The following IQGAP2 variants were observed in gnomAD, a reference collection of about 807,000 sequenced individuals.
IQGAP2 encodes the protein ras GTPase-activating-like protein IQGAP2.
Under a neutral mutation model 201.3 loss-of-function variants are expected in IQGAP2, and 173 were observed. That is an observed-to-expected ratio of 0.86 (90% confidence interval 0.76 to 0.98). IQGAP2 has a LOEUF of 0.98. IQGAP2 is among the 50% of genes least tolerant of loss of function. The pLI is 0.00. For missense variants in IQGAP2, 1,687 were observed against 1,864.8 expected (o/e 0.90, Z 1.76); for synonymous variants, 675 against 673.9 (o/e 1.00, Z -0.03).
intron 2 of IQGAP2, among the ~76,000 whole-genome samples, chr5:76,531,914 T>G (rs1159049219): frequency 6.6e-6 from 1 of 152,182 alleles, no homozygotes; most frequent in African/African-American, 2.4e-5. Context: ...ATTGGTAGAT[T>G]CGGTATCTGG....
Position 76,403,674 on chromosome 5 carries a change from C to T in IQGAP2, c.46+83C>T. On this transcript the variant is annotated intron_variant, in intron 1 of 35. Coordinates refer to ENST00000274364, the MANE Select transcript of IQGAP2 (RefSeq NM_006633.5). This position sits in a 1 kb window ranked among gnomAD's most constrained non-coding sequence, Gnocchi z 4.8. ...ACGGCGTTGGAGAAGCCGAGGGAGC[C>T]GGTTGCGCGGCGCAGAGGAAATTGG... is the stretch of plus-strand genomic sequence containing the variant. The T allele has an allele frequency of 1.6e-6, 2 of 1,216,108 alleles. No homozygotes were observed. Among genetic ancestry groups the T allele is most frequent in the East Asian group, 3.1e-5 (1 of 32,562 alleles). 75.3% of individuals were successfully genotyped at this position (1,216,108 alleles called of 1,614,324 possible).
chr5:76,669,427 C>T (rs1441773581), intron 23 of IQGAP2, among the ~76,000 whole-genome samples: 1 of 151,978 alleles, frequency 6.6e-6, no homozygotes, highest in African/African-American at 2.4e-5. Context: ...TGTAAGCCCA[C>T]GAGACATGTG....
chr5:76,619,031 T>A (rs2069680), intron 13 of IQGAP2, among the ~76,000 whole-genome samples: 59,212 of 152,090 alleles, frequency 0.39, 12,986 homozygotes, highest in Non-Finnish European at 0.51. Context: ...CTAGCAAGGT[T>A]CCTAAAAAGA....
chr5:76,608,050 T>C (rs1214300480), intron 12 of IQGAP2: 1 of 152,262 alleles, frequency 6.6e-6, no homozygotes, highest in Non-Finnish European at 1.5e-5. Flanking sequence ...GTTTTGTTCT[T>C]GGCTATCAAG....
intron 1 of IQGAP2, among the ~76,000 whole-genome samples, chr5:76,460,245 TGATGTGAA>T (rs1353776701): frequency 3.3e-5 from 5 of 152,086 alleles, no homozygotes; most frequent in African/African-American, 1.2e-4. Context: ...TTGCCTGAGA[TGATGTGAA>T]AGGCACCACC....
intron 13 of IQGAP2, chr5:76,618,783 AC>A: frequency 1.3e-6 from 1 of 745,940 alleles, no homozygotes. Context: ...TAGGCAGTCA[AC>A]AAGCATATAT....
chr5:76,435,828 T>A (rs969839670), intron 1 of IQGAP2, among the ~76,000 whole-genome samples: 1 of 152,344 alleles, frequency 6.6e-6, no homozygotes, highest in South Asian at 2.1e-4. Context: ...ACAGGATATG[T>A]TTACGTTTGC....
intron 12 of IQGAP2, chr5:76,607,112 C>G (rs1404221925): frequency 6.6e-6 from 1 of 152,132 alleles, no homozygotes. Flanking sequence ...GCTCCAAGCT[C>G]GCGGATAGAG....
chr5:76,532,532 G>GT (rs1333631372), intron 2 of IQGAP2, among the ~76,000 whole-genome samples: 1 of 152,158 alleles, frequency 6.6e-6, no homozygotes, highest in Non-Finnish European at 1.5e-5. Context: ...TGATATGGTG[G>GT]TAAGACAGCC....
Position 76,589,721 on chromosome 5 carries a change from A to T in IQGAP2, c.633A>T (p.Glu211Asp). The T allele has an allele frequency of 6.3e-7, 1 of 1,586,274 alleles. No homozygotes were observed. Among genetic ancestry groups the T allele is most frequent in the South Asian group, 1.2e-5 (1 of 86,454 alleles). ...TGGCCAATGAACTGTCCGTGGATGA[A>T]GCTGCATGTAAGTCCATTCAAAATC... ...GILANELSVD[E>D]AALHAAVIAI... is the part of the protein sequence containing the mutation. Residue 211 changes from glutamate (E) to aspartate (D), a missense_variant, in exon 7 of 36, where the codon GAA becomes GAT. Glu to Asp is a conservative substitution (Grantham distance 45). Transcript: ENST00000274364.
chr5:76,565,942 A>G (rs961969864), intron 3 of IQGAP2, among the ~76,000 whole-genome samples: 3 of 152,120 alleles, frequency 2.0e-5, no homozygotes, highest in African/African-American at 7.2e-5. Context: ...ACTCTTAATA[A>G]ATCACCTGCA....
In IQGAP2 at chr5:76,689,230, T is replaced by TTAAAAAAAAAA. The variant is rs566505116; in HGVS notation, c.3906-4125_3906-4124insTAAAAAAAAAA. Among the ~76,000 whole-genome samples, 213 of 86,446 alleles carry TTAAAAAAAAAA rather than the reference T, an allele frequency of 2.5e-3. 4 individuals are homozygous for TTAAAAAAAAAA. Among genetic ancestry groups the TTAAAAAAAAAA allele is most frequent in the Non-Finnish European group, 2.7e-3 (129 of 48,232 alleles). 56.7% of individuals were successfully genotyped at this position (86,446 alleles called of 152,430 possible). On this transcript the variant is annotated intron_variant, in intron 30 of 35. Transcript: ENST00000274364. ...TAATACTACCAAGCACAGGGATATT[T>TTAAAAAAAAAA]AAAAAAAAAAAAAAAAAAAAAAAAA...
intron 32 of IQGAP2, among the ~76,000 whole-genome samples, chr5:76,696,139 T>G (rs1746723299): frequency 1.3e-5 from 2 of 152,192 alleles, no homozygotes; most frequent in Non-Finnish European, 2.9e-5. Context: ...AACACTTTCA[T>G]GTCATTAGGA....
chr5:76,597,410 T>C (rs1356278116), intron 9 of IQGAP2, 29 bp from the exon 10 acceptor site: 6 of 1,611,752 alleles, frequency 3.7e-6, no homozygotes, highest in Non-Finnish European at 5.1e-6. Context: ...GAGCAACCAT[T>C]CTGACAAAAC....
chr5:76,425,494 T>C (rs1262977109), intron 1 of IQGAP2, among the ~76,000 whole-genome samples: 1 of 152,164 alleles, frequency 6.6e-6, no homozygotes, highest in Non-Finnish European at 1.5e-5. Context: ...CAAGATACAC[T>C]GTAGGGAAGT....
chr5:76,454,413 GTA>G (rs985073867), intron 1 of IQGAP2, among the ~76,000 whole-genome samples: 2 of 150,718 alleles, frequency 1.3e-5, no homozygotes, highest in African/African-American at 4.9e-5. Context: ...TTAGCATTAG[GTA>G]TATCTCCTAA....
At chr5:76,428,578 G>A (rs976242750) in intron 1 of IQGAP2, among the ~76,000 whole-genome samples, 1 of 151,088 alleles carries the variant, frequency 6.6e-6, no homozygotes, top group Non-Finnish European at 1.5e-5. Context: ...TTACAGGTGT[G>A]CGCCACCACA....
chr5:76,510,894 C>G, intron 2 of IQGAP2: 1 of 344,256 alleles, frequency 2.9e-6, no homozygotes, highest in Non-Finnish European at 5.7e-6. Flanking sequence ...GAGGGTCTCA[C>G]TCTGGGCACC....
chr5:76,681,039 G>A lies in IQGAP2; in HGVS notation c.3661-2076G>A, dbSNP rs149603074. Among the ~76,000 whole-genome samples the A allele has an allele frequency of 2.5e-3, 369 of 147,000 alleles. 1 individual carries two copies. The highest frequency in any genetic ancestry group is 8.7e-3 in the African/African-American group (345 of 39,650). On this transcript the variant is annotated intron_variant, in intron 28 of 35. Coordinates refer to ENST00000274364, the MANE Select transcript of IQGAP2 (RefSeq NM_006633.5). The stretch of plus-strand genomic sequence containing the variant: ...GAGAGTCACTTGAGCCTGGGAGGTG[G>A]AGCTTGCAGTGAACCACTCCAGCCT...
Sources: gnomAD v4.1 joint callset for allele counts (sites outside exome capture counted in the v4.1 genomes callset) on GRCh38, gnomAD v4.1.1 for gene constraint, Gnocchi (gnomAD v3.1) non-coding constraint, MANE v1.5 for transcripts, NCBI Gene and HGNC (gene_info 2026-07-23, HGNC 2026-07-21) for gene names.